Variants in NSMCE2 observed in about 807,000 individuals in gnomAD.
The protein encoded by NSMCE2 is E3 SUMO-protein ligase NSE2.
In NSMCE2, 24 loss-of-function variants were observed where a neutral mutation model predicts 23.8. The ratio of observed to expected loss-of-function variants is 1.01; its 90% confidence interval spans 0.73 to 1.42. The LOEUF is 1.42. Among genes scored for constraint, NSMCE2 ranks in the 40% most tolerant of loss-of-function variants. The pLI is 0.00. For missense variants in NSMCE2, 284 were observed against 296.5 expected (o/e 0.96, Z 0.31); for synonymous variants, 92 against 94.1 (o/e 0.98, Z 0.13).
At chr8:125,134,250 G>A (rs534988222) in intron 3 of NSMCE2, among the ~76,000 whole-genome samples, 1 of 152,294 alleles carries the variant, frequency 6.6e-6, no homozygotes, top group East Asian at 1.9e-4. Flanking sequence ...AGACTTCTGA[G>A]TCATTATGAT....
intron 5 of NSMCE2, among the ~76,000 whole-genome samples, chr8:125,247,893 G>A (rs1315617422): frequency 1.3e-5 from 2 of 152,088 alleles, no homozygotes; most frequent in African/African-American, 2.4e-5. Flanking sequence ...GTGAACAAGT[G>A]GTGAACTAAA....
chr8:125,314,215 A>G (rs142891049), intron 5 of NSMCE2, among the ~76,000 whole-genome samples: 1,952 of 152,328 alleles, frequency 0.013, 14 homozygotes, highest in Middle Eastern at 0.024. Context: ...CAAATCCCAT[A>G]AATCAGTAAT....
chr8:125,116,500 C>T (rs1819011367), intron 3 of NSMCE2, among the ~76,000 whole-genome samples: 1 of 152,132 alleles, frequency 6.6e-6, no homozygotes, highest in Admixed American at 6.5e-5. Context: ...TGGAAGAAAG[C>T]CTTTTGTCAG....
chr8:125,336,442 T>A (rs1830065493), intron 5 of NSMCE2, among the ~76,000 whole-genome samples: 1 of 152,170 alleles, frequency 6.6e-6, no homozygotes. Flanking sequence ...TCTGAATCCC[T>A]TGCTTCTGCC....
intron 5 of NSMCE2, among the ~76,000 whole-genome samples, chr8:125,229,506 A>C (rs1467685479): frequency 6.6e-6 from 1 of 152,200 alleles, no homozygotes; most frequent in Non-Finnish European, 1.5e-5. Flanking sequence ...AGGGTGGAAG[A>C]GAATCTGAGT....
intron 5 of NSMCE2, among the ~76,000 whole-genome samples, chr8:125,338,217 C>G (rs1216353488): frequency 6.6e-6 from 1 of 151,790 alleles, no homozygotes; most frequent in East Asian, 1.9e-4. Context: ...CACCAAAGCA[C>G]CATTTTCTTC....
At chr8:125,129,486 C>A (rs1214114322) in intron 3 of NSMCE2, among the ~76,000 whole-genome samples, 1 of 151,834 alleles carries the variant, frequency 6.6e-6, no homozygotes, top group Admixed American at 6.6e-5. Flanking sequence ...TGCCACCCTG[C>A]AACCCAGGTC....
intron 4 of NSMCE2, among the ~76,000 whole-genome samples, chr8:125,157,691 G>A (rs1821396992): frequency 6.6e-6 from 1 of 152,104 alleles, no homozygotes; most frequent in African/African-American, 2.4e-5. Flanking sequence ...AAGTAACATA[G>A]CTGCTAATAG....
chr8:125,355,138 G>C (rs1485952838), intron 5 of NSMCE2, among the ~76,000 whole-genome samples: 2 of 152,152 alleles, frequency 1.3e-5, no homozygotes, highest in Non-Finnish European at 2.9e-5. Flanking sequence ...TCGGATAAGG[G>C]ATACTCAACC....
intron 7 of NSMCE2, among the ~76,000 whole-genome samples, chr8:125,361,832 G>A (rs1212876720): frequency 6.6e-6 from 1 of 152,184 alleles, no homozygotes; most frequent in Non-Finnish European, 1.5e-5. Context: ...CTGTGTTGAG[G>A]TATGACAGGA....
chr8:125,302,816 G>T (rs1828616274), intron 5 of NSMCE2, among the ~76,000 whole-genome samples: 2 of 152,148 alleles, frequency 1.3e-5, no homozygotes, highest in Non-Finnish European at 1.5e-5. Flanking sequence ...GCTGTAGCAA[G>T]ACTAATCTTA....
chr8:125,163,731 A>G (rs147685565), intron 4 of NSMCE2, among the ~76,000 whole-genome samples: 1 of 152,332 alleles, frequency 6.6e-6, no homozygotes, highest in Non-Finnish European at 1.5e-5. Flanking sequence ...GATTCTACCA[A>G]CAAGAATGGG....
At chr8:125,339,042 CTG>C (rs1178226404) in intron 5 of NSMCE2, among the ~76,000 whole-genome samples, 1 of 152,176 alleles carries the variant, frequency 6.6e-6, no homozygotes, top group African/African-American at 2.4e-5. Context: ...CCTGTCAAAA[CTG>C]TTCTATGTTG....
intron 4 of NSMCE2, among the ~76,000 whole-genome samples, chr8:125,173,125 C>T (rs1161339480): frequency 6.6e-6 from 1 of 152,224 alleles, no homozygotes; most frequent in African/African-American, 2.4e-5. Context: ...ACAACCAATT[C>T]TGTCACCTCC....
chr8:125,150,651 G>A lies in NSMCE2; in HGVS notation c.158-520G>A, dbSNP rs74686660. Among the ~76,000 whole-genome samples the A allele has an allele frequency of 4.2e-3, 635 of 151,648 alleles. 8 individuals carry two copies. The highest frequency in any genetic ancestry group is 0.015 in the African/African-American group (605 of 41,376). On this transcript the variant is annotated intron_variant, in intron 3 of 7. Transcript: ENST00000287437. ...CCTGCCTCGGCCTCCCAAAGTACTA[G>A]GATTACAGACGTTAGTCACCACGCC...
intron 5 of NSMCE2, among the ~76,000 whole-genome samples, chr8:125,263,364 A>AC (rs577495823): frequency 2.1e-3 from 316 of 152,282 alleles, no homozygotes; most frequent in Admixed American, 3.4e-3. Flanking sequence ...GGCTCATGGA[A>AC]CAGGTGTTCT....
In NSMCE2 at chr8:125,266,672, A is replaced by G. The variant is rs923657647; in HGVS notation, c.418+84416A>G. 2.6e-5 allele frequency among the ~76,000 whole-genome samples: 4 copies of G among 152,224 alleles called. No individual in the cohort carries two copies. The East Asian group carries it at 7.7e-4, about 29-fold the overall frequency. The stretch of plus-strand genomic sequence containing the variant: ...ACTCCTGAATAAGGTTCAGGCTTTC[A>G]TGAGAATTTCAGATCCAGTATACCT... On this transcript the variant is annotated intron_variant, in intron 5 of 7. Transcript: ENST00000287437.
At chr8:125,170,695 A>G (rs1822155976) in intron 4 of NSMCE2, among the ~76,000 whole-genome samples, 1 of 152,060 alleles carries the variant, frequency 6.6e-6, no homozygotes, top group Admixed American at 6.5e-5. Flanking sequence ...GGCGTGAGCC[A>G]CCGCACCCAG....
At chr8:125,259,832 A>G (rs1826610338) in intron 5 of NSMCE2, among the ~76,000 whole-genome samples, 1 of 152,184 alleles carries the variant, frequency 6.6e-6, no homozygotes, top group African/African-American at 2.4e-5. Flanking sequence ...TCAGAGGGTA[A>G]GGTCATACTG....
Sources: gnomAD v4.1 joint callset for allele counts (sites outside exome capture counted in the v4.1 genomes callset) on GRCh38, gnomAD v4.1.1 for gene constraint, MANE v1.5 for transcripts, NCBI Gene and HGNC (gene_info 2026-07-23, HGNC 2026-07-21) for gene names.